The following PPP2R2A variants were observed in gnomAD, a reference collection of about 807,000 sequenced individuals.
PPP2R2A encodes the protein serine/threonine-protein phosphatase 2A 55 kDa regulatory subunit B alpha isoform.
PPP2R2A carries 9 observed loss-of-function variants against 53.2 expected under a neutral mutation model. That is an observed-to-expected ratio of 0.17 (90% CI 0.10 to 0.30). PPP2R2A has a LOEUF of 0.30. Among genes scored for constraint, PPP2R2A ranks in the 10% least tolerant of loss-of-function variants. The pLI is 1.00. For synonymous variants in PPP2R2A, 169 were observed against 174.2 expected (o/e 0.97, Z 0.23); for missense variants, 235 against 534.6 (o/e 0.44, Z 5.53).
intron 2 of PPP2R2A, among the ~76,000 whole-genome samples, chr8:26,327,586 T>C (rs1803158896): frequency 1.3e-5 from 2 of 152,302 alleles, no homozygotes; most frequent in Admixed American, 1.3e-4. Context: ...TAGCAAGAAC[T>C]TCGAGCTCCC....
chr8:26,333,016 A>G (rs965850132), intron 2 of PPP2R2A, among the ~76,000 whole-genome samples: 4 of 152,216 alleles, frequency 2.6e-5, no homozygotes, highest in Admixed American at 6.5e-5. Flanking sequence ...TGATATGCAT[A>G]TTACAGTGAT....
chr8:26,299,940 CAT>C (rs1205938227), intron 2 of PPP2R2A, among the ~76,000 whole-genome samples: 1 of 152,156 alleles, frequency 6.6e-6, no homozygotes, highest in African/African-American at 2.4e-5. Context: ...CCTTGTATGA[CAT>C]GTGACACTTC....
rs568714376 is a variant in PPP2R2A, at chr8:26,353,162, A to C, written c.181-1306A>C. Reference sequence around the variant, plus strand: ...TGGAGTATTTATATATGTTAATGGAATAGGCTGTCTAATTTTGTGTATGGG... The same window carrying C: ...TGGAGTATTTATATATGTTAATGGACTAGGCTGTCTAATTTTGTGTATGGG... On this transcript the variant is annotated intron_variant, in intron 3 of 9. Coordinates refer to ENST00000380737, the MANE Select transcript of PPP2R2A (RefSeq NM_002717.4). Among the ~76,000 whole-genome samples the C allele has an allele frequency of 1.3e-3, 198 of 152,326 alleles. 2 individuals carry two copies. Among genetic ancestry groups the C allele is most frequent in the African/African-American group, 4.4e-3 (181 of 41,568 alleles).
At chr8:26,325,464 G>A (rs1803041184) in intron 2 of PPP2R2A, among the ~76,000 whole-genome samples, 2 of 152,184 alleles carry the variant, frequency 1.3e-5, no homozygotes, top group African/African-American at 4.8e-5. Context: ...TCCCAATCTT[G>A]GGTATGTCTT....
intron 7 of PPP2R2A, chr8:26,363,364 A>G (rs961824957): frequency 1.7e-5 from 3 of 180,666 alleles, no homozygotes; most frequent in African/African-American, 7.1e-5. Context: ...TGAATTTGGG[A>G]TGGGCGAGGA....
chr8:26,359,972 C>A (rs545487953), intron 4 of PPP2R2A, among the ~76,000 whole-genome samples, 197 bp from the exon 5 acceptor site: 15 of 151,972 alleles, frequency 9.9e-5, no homozygotes, highest in African/African-American at 3.4e-4. Context: ...TTTATGAGTG[C>A]CACCAATCTT....
Position 26,370,709 on chromosome 8 carries a change from C to T in PPP2R2A, c.*296C>T. 2.6e-6 allele frequency: 1 copy of T among 386,508 alleles called. No homozygotes were observed. The allele number at this position is 386,508 out of a possible 1,614,324, so 23.9% of individuals were successfully genotyped here. A position where few individuals can be genotyped will look rare whatever the true frequency, so the allele number is the denominator to read the frequency against. Reference sequence around the variant, plus strand: ...GGACTGTATCAACATTGATTTACTCCACTTTTTATGCCTTCCATTGTGATG... The same window carrying T: ...GGACTGTATCAACATTGATTTACTCTACTTTTTATGCCTTCCATTGTGATG... On this transcript the variant is annotated 3_prime_UTR_variant, in exon 10 of 10. Transcript: ENST00000380737. The surrounding 1 kb of genome is among the most constrained non-coding windows in gnomAD (Gnocchi z 6.1).
Position 26,291,742 on chromosome 8 carries a change from C to T in PPP2R2A, c.-78C>T. The T allele has an allele frequency of 5.9e-6, 9 of 1,529,510 alleles. No homozygotes were observed. Among genetic ancestry groups the T allele is most frequent in the Admixed American group, 3.7e-5 (2 of 54,330 alleles). The allele number at this position is 1,529,510 out of a possible 1,614,324, so 94.7% of individuals were successfully genotyped here. ...GCCGCCATCCGCCCTCTCTACCCCC[C>T]CATCCCCAGGTGAGGGGGGTGAGTT... On this transcript the variant is annotated 5_prime_UTR_variant, in exon 1 of 10. Coordinates refer to ENST00000380737, the MANE Select transcript of PPP2R2A (RefSeq NM_002717.4).
intron 4 of PPP2R2A, among the ~76,000 whole-genome samples, chr8:26,357,484 A>C (rs761778636): frequency 6.6e-6 from 1 of 152,046 alleles, no homozygotes; most frequent in Non-Finnish European, 1.5e-5. Context: ...TTATAACTTG[A>C]GTTAATTTAA....
intron 2 of PPP2R2A, among the ~76,000 whole-genome samples, chr8:26,316,893 G>A (rs1802584858): frequency 6.6e-6 from 1 of 152,200 alleles, no homozygotes; most frequent in Non-Finnish European, 1.5e-5. Context: ...GAATTTTGTG[G>A]GGGATGAACA....
chr8:26,332,558 C>G (rs1437022425), intron 2 of PPP2R2A, among the ~76,000 whole-genome samples: 1 of 152,008 alleles, frequency 6.6e-6, no homozygotes, highest in Non-Finnish European at 1.5e-5. Context: ...TTAGGATACT[C>G]CTTTGATTTT....
chr8:26,327,197 T>C (rs939354093), intron 2 of PPP2R2A, among the ~76,000 whole-genome samples: 1 of 152,138 alleles, frequency 6.6e-6, no homozygotes, highest in Non-Finnish European at 1.5e-5. Context: ...GTATGTTACA[T>C]AAGCATTAAA....
At chr8:26,301,588 A>G (rs1351944195) in intron 2 of PPP2R2A, among the ~76,000 whole-genome samples, 2 of 152,084 alleles carry the variant, frequency 1.3e-5, no homozygotes, top group Non-Finnish European at 2.9e-5. Flanking sequence ...GATGTGCTAT[A>G]TATAGATGGG....
At chr8:26,353,041 A>G (rs1804601186) in intron 3 of PPP2R2A, among the ~76,000 whole-genome samples, 1 of 152,192 alleles carries the variant, frequency 6.6e-6, no homozygotes, top group East Asian at 1.9e-4. Context: ...TGCCTGCTTA[A>G]TGGTATTGTG....
At chr8:26,346,167 G>C (rs1804205604) in intron 3 of PPP2R2A, among the ~76,000 whole-genome samples, 2 of 149,466 alleles carry the variant, frequency 1.3e-5, no homozygotes, top group South Asian at 4.2e-4. Flanking sequence ...GTTTTACAGA[G>C]TCTCACTCTG....
At chr8:26,300,526 A>C (rs1040273429) in intron 2 of PPP2R2A, among the ~76,000 whole-genome samples, 1 of 152,220 alleles carries the variant, frequency 6.6e-6, no homozygotes, top group Non-Finnish European at 1.5e-5. Context: ...TAAGTAATCA[A>C]GTATCCATAA....
At chr8:26,313,986 TAATA>T (rs1401072319) in intron 2 of PPP2R2A, among the ~76,000 whole-genome samples, 3 of 152,274 alleles carry the variant, frequency 2.0e-5, no homozygotes, top group Non-Finnish European at 2.9e-5. Flanking sequence ...ACGGGCTGTA[TAATA>T]AATTCTGATT....
chr8:26,338,813 A>G lies in PPP2R2A; in HGVS notation c.83-77A>G. ...CTTCATAGACTTGGAATGTTTGGGA[A>G]AACACGCTAAGTTCTGAAACTAGTG... On this transcript the variant is annotated intron_variant, in intron 2 of 9. Coordinates refer to ENST00000380737, the MANE Select transcript of PPP2R2A (RefSeq NM_002717.4). This position sits in a 1 kb window ranked among gnomAD's most constrained non-coding sequence, Gnocchi z 4.5. The G allele has an allele frequency of 1.0e-6, 1 of 996,936 alleles. No individual in the cohort carries two copies. The highest frequency in any genetic ancestry group is 1.5e-6 in the Non-Finnish European group (1 of 662,560). 61.8% of individuals were successfully genotyped at this position (996,936 alleles called of 1,614,324 possible).
intron 2 of PPP2R2A, among the ~76,000 whole-genome samples, chr8:26,309,400 G>A (rs1466255877): frequency 6.6e-6 from 1 of 152,178 alleles, no homozygotes; most frequent in African/African-American, 2.4e-5. Context: ...CTCTCAGCTA[G>A]GCTTTTTTCT....
Sources: gnomAD v4.1 joint callset for allele counts (sites outside exome capture counted in the v4.1 genomes callset) on GRCh38, gnomAD v4.1.1 for gene constraint, Gnocchi (gnomAD v3.1) non-coding constraint, MANE v1.5 for transcripts, NCBI Gene and HGNC (gene_info 2026-07-23, HGNC 2026-07-21) for gene names.